The following PTPRM variants were observed in gnomAD, a reference collection of about 807,000 sequenced individuals.
The protein encoded by PTPRM is receptor-type tyrosine-protein phosphatase mu.
In PTPRM, 47 loss-of-function variants were observed where a neutral mutation model predicts 186.7. The observed-to-expected ratio is 0.25, with a 90% CI of 0.20 to 0.32. PTPRM has a LOEUF of 0.32. Ranked by LOEUF, PTPRM falls within the 10% of genes least tolerant of loss-of-function variation. The probability of loss-of-function intolerance (pLI) is 1.00; values close to 1 mark genes in which losing one functional copy is unlikely to be tolerated. For synonymous variants in PTPRM, 668 were observed against 674.9 expected (o/e 0.99, Z 0.16); for missense variants, 1,494 against 1,865.0 (o/e 0.80, Z 3.66).
intron 7 of PTPRM, among the ~76,000 whole-genome samples, chr18:8,016,868 TGAG>T (rs1436102354): frequency 1.3e-5 from 2 of 152,232 alleles, no homozygotes; most frequent in African/African-American, 4.8e-5. Context: ...AGTGAAGGCT[TGAG>T]GGGATGCCTC....
chr18:7,984,600 T>TACACACAC (rs1364395082), intron 7 of PTPRM, among the ~76,000 whole-genome samples: 20 of 110,938 alleles, frequency 1.8e-4, no homozygotes, highest in African/African-American at 7.5e-4. Context: ...TATATATATA[T>TACACACAC]ATACACACAC....
At chr18:7,956,952 C>G (rs907715624) in intron 7 of PTPRM, among the ~76,000 whole-genome samples, 1 of 152,146 alleles carries the variant, frequency 6.6e-6, no homozygotes, top group Non-Finnish European at 1.5e-5. Context: ...AAGTGAAGCC[C>G]GTGTGAGCTC....
chr18:7,781,615 C>G (rs1266245710), intron 2 of PTPRM, among the ~76,000 whole-genome samples: 5 of 152,112 alleles, frequency 3.3e-5, no homozygotes, highest in South Asian at 4.1e-4. Context: ...ACCATTCCCC[C>G]CAAGCAGTCC....
At chr18:8,255,055 A>G (rs1040959179) in intron 19 of PTPRM, among the ~76,000 whole-genome samples, 43 of 152,272 alleles carry the variant, frequency 2.8e-4, no homozygotes, top group African/African-American at 1.0e-3. Flanking sequence ...GTGTAAATTC[A>G]GTGAAATTGA....
At chr18:8,126,864 G>A (rs1404726473) in intron 13 of PTPRM, among the ~76,000 whole-genome samples, 2 of 152,110 alleles carry the variant, frequency 1.3e-5, no homozygotes, top group African/African-American at 4.8e-5. Context: ...CAGATATGAA[G>A]AATTGCAGAA....
rs571348172 is a variant in PTPRM, at chr18:7,696,912, C to T, written c.74-77237C>T. Among the ~76,000 whole-genome samples the T allele has an allele frequency of 1.1e-4, 16 of 152,196 alleles. No individual in the cohort carries two copies. In the South Asian group the frequency reaches 3.3e-3, roughly 32 times the overall value. On this transcript the variant is annotated intron_variant, in intron 1 of 32. Transcript: ENST00000580170. Reference sequence around the variant, plus strand: ...ATGCATGTTTTTATGCAGGGCCTGTCGATGGGGGTGTCTTTACTGTGCGGG... The same window carrying T: ...ATGCATGTTTTTATGCAGGGCCTGTTGATGGGGGTGTCTTTACTGTGCGGG...
chr18:8,193,942 C>T (rs556040317), intron 14 of PTPRM, among the ~76,000 whole-genome samples: 1 of 152,296 alleles, frequency 6.6e-6, no homozygotes, highest in African/African-American at 2.4e-5. Flanking sequence ...TATTAAGAAA[C>T]GCACCAGACC....
At chr18:7,600,029 G>A (rs1490801015) in intron 1 of PTPRM, among the ~76,000 whole-genome samples, 3 of 152,182 alleles carry the variant, frequency 2.0e-5, no homozygotes, top group African/African-American at 2.4e-5. Context: ...TCTCTTAGCT[G>A]TTCTCATAAT....
chr18:8,217,582 A>T (rs2094104954), intron 14 of PTPRM, among the ~76,000 whole-genome samples: 1 of 152,216 alleles, frequency 6.6e-6, no homozygotes, highest in African/African-American at 2.4e-5. Context: ...CTGAGATACC[A>T]GGGAAAATTA....
At chr18:7,890,271 G>T (rs367747885) in intron 3 of PTPRM, among the ~76,000 whole-genome samples, 1 of 152,168 alleles carries the variant, frequency 6.6e-6, no homozygotes, top group Non-Finnish European at 1.5e-5. Context: ...TAATTGAGGT[G>T]CTTGGCTAGA....
intron 1 of PTPRM, among the ~76,000 whole-genome samples, chr18:7,652,582 G>T (rs990986624): frequency 6.6e-6 from 1 of 151,548 alleles, no homozygotes; most frequent in Non-Finnish European, 1.5e-5. Flanking sequence ...CATAAAAAAT[G>T]ATGAGTTCAT....
At chr18:7,866,351 G>C (rs780907279) in intron 2 of PTPRM, among the ~76,000 whole-genome samples, 18 of 152,116 alleles carry the variant, frequency 1.2e-4, no homozygotes, top group Non-Finnish European at 2.6e-4. Context: ...TCTAAACACT[G>C]CTTTATCTGT....
intron 14 of PTPRM, among the ~76,000 whole-genome samples, chr18:8,237,479 G>A (rs1372319707): frequency 4.4e-5 from 5 of 112,922 alleles, no homozygotes; most frequent in African/African-American, 6.9e-5. Context: ...ACAGAGTTTC[G>A]CTCTTGTTGC....
intron 1 of PTPRM, among the ~76,000 whole-genome samples, chr18:7,634,413 C>T (rs969056520): frequency 2.0e-5 from 3 of 152,280 alleles, no homozygotes; most frequent in African/African-American, 7.2e-5. Context: ...TTTGTATACT[C>T]ACAGGAACCC....
intron 4 of PTPRM, among the ~76,000 whole-genome samples, chr18:7,917,908 C>T (rs940026692): frequency 6.6e-6 from 1 of 152,150 alleles, no homozygotes; most frequent in African/African-American, 2.4e-5. Flanking sequence ...TATTTTAGCT[C>T]CAACATAAGA....
intron 2 of PTPRM, among the ~76,000 whole-genome samples, chr18:7,844,376 A>G (rs2046491259): frequency 6.6e-6 from 1 of 152,246 alleles, no homozygotes; most frequent in East Asian, 1.9e-4. Flanking sequence ...ATCAGGTTCA[A>G]ATATGGAAGA....
At chr18:7,956,908 G>A (rs1316405617) in intron 7 of PTPRM, among the ~76,000 whole-genome samples, 1 of 152,156 alleles carries the variant, frequency 6.6e-6, no homozygotes, top group Non-Finnish European at 1.5e-5. Flanking sequence ...ATTCTCCAGG[G>A]CAGGTTCTTT....
chr18:7,618,814 A>G (rs981176618), intron 1 of PTPRM, among the ~76,000 whole-genome samples: 2 of 152,234 alleles, frequency 1.3e-5, no homozygotes, highest in African/African-American at 2.4e-5. Flanking sequence ...GCTCTGAAAT[A>G]TAGAAGTGAT....
At chr18:8,094,124 T>C (rs2090897339) in intron 11 of PTPRM, among the ~76,000 whole-genome samples, 1 of 152,200 alleles carries the variant, frequency 6.6e-6, no homozygotes, top group African/African-American at 2.4e-5. Flanking sequence ...TTTATCCCTT[T>C]ATAGTATTTT....
Sources: allele counts gnomAD v4.1 joint callset (sites outside exome capture counted in the v4.1 genomes callset), GRCh38; gene constraint gnomAD v4.1.1; transcripts MANE v1.5; gene names NCBI Gene and HGNC (gene_info 2026-07-23, HGNC 2026-07-21).